Variants in GADL1 observed in about 807,000 individuals in gnomAD.
GADL1 encodes the protein GAD like acidic amino acid decarboxylase 1, also known as acidic amino acid decarboxylase GADL1.
A neutral mutation model predicts 69.5 loss-of-function variants in GADL1; 71 were observed. That is an observed-to-expected ratio of 1.02 (90% confidence interval 0.84 to 1.25). The LOEUF (loss-of-function observed/expected upper bound fraction) is 1.25. Ranked by LOEUF, GADL1 falls within the 50% of genes most tolerant of loss-of-function variation. The probability of loss-of-function intolerance (pLI) is 0.00; values close to 1 mark genes in which losing one functional copy is unlikely to be tolerated. For synonymous variants in GADL1, 254 were observed against 214.4 expected, an observed-to-expected ratio of 1.18 and a Z score of -1.62; for missense variants, 737 against 631.8, an observed-to-expected ratio of 1.17 and a Z score of -1.79.
At chr3:30,743,756 T>G (rs1695660223) in intron 14 of GADL1, among the ~76,000 whole-genome samples, 1 of 152,204 alleles carries the variant, frequency 6.6e-6, no homozygotes, top group East Asian at 1.9e-4. Flanking sequence ...TGTTCTTCAT[T>G]ATTTAAATGT....
intron 1 of GADL1, among the ~76,000 whole-genome samples, chr3:30,879,762 T>C (rs1698619680): frequency 6.6e-6 from 1 of 151,894 alleles, no homozygotes; most frequent in Non-Finnish European, 1.5e-5. Flanking sequence ...GCTAGCCTCA[T>C]GGGTAGCCAT....
chr3:30,857,914 G>T (rs1698255153), intron 2 of GADL1, among the ~76,000 whole-genome samples: 2 of 151,896 alleles, frequency 1.3e-5, no homozygotes, highest in African/African-American at 4.8e-5. Flanking sequence ...CCTCTGCCTA[G>T]AATGTTTTTC....
At chr3:30,790,870 ATAATG>A (rs1443854311) in intron 12 of GADL1, among the ~76,000 whole-genome samples, 2 of 152,190 alleles carry the variant, frequency 1.3e-5, no homozygotes, top group African/African-American at 2.4e-5. Context: ...CTATAGCAAC[ATAATG>A]TAATATGCAG....
At chr3:30,781,706 C>G (rs1036693878) in intron 13 of GADL1, among the ~76,000 whole-genome samples, 1 of 152,148 alleles carries the variant, frequency 6.6e-6, no homozygotes, top group East Asian at 1.9e-4. Flanking sequence ...TTTCTGCTTC[C>G]TAAACTATAA....
At chr3:30,876,427 C>T (rs910563669) in intron 1 of GADL1, among the ~76,000 whole-genome samples, 5 of 152,052 alleles carry the variant, frequency 3.3e-5, no homozygotes, top group South Asian at 4.1e-4. Context: ...GTAAAGACGC[C>T]GATCATGGCT....
Position 30,853,076 on chromosome 3 carries a change from A to C in GADL1, c.428+1623T>G, listed in dbSNP as rs2125533182. ...GGCATGCTCTCCTCGTGGCTGCCAC[A>C]GCTAGCCTTTTGTTTTTTTCCTTCT... On this transcript the variant is annotated intron_variant, in intron 4 of 14. Coordinates refer to ENST00000282538, the MANE Select transcript of GADL1 (RefSeq NM_207359.3). 1.3e-5 allele frequency among the ~76,000 whole-genome samples: 2 copies of C among 152,152 alleles called. 1 individual carries two copies. Among genetic ancestry groups the C allele is most frequent in the Middle Eastern group, 6.8e-3 (2 of 294 alleles).
At chr3:30,854,240 C>A (rs1698192800) in intron 4 of GADL1, among the ~76,000 whole-genome samples, 1 of 152,154 alleles carries the variant, frequency 6.6e-6, no homozygotes, top group African/African-American at 2.4e-5. Flanking sequence ...GAAAAATTGT[C>A]CCATTCATAT....
At chr3:30,844,773 C>T (rs1466704008) in intron 6 of GADL1, among the ~76,000 whole-genome samples, 1 of 152,154 alleles carries the variant, frequency 6.6e-6, no homozygotes, top group Non-Finnish European at 1.5e-5. Flanking sequence ...CCTACTCCAT[C>T]TGCTCGTGCT....
chr3:30,767,467 T>C (rs181094709), intron 14 of GADL1, among the ~76,000 whole-genome samples: 158 of 152,264 alleles, frequency 1.0e-3, no homozygotes, highest in Non-Finnish European at 1.9e-3. Context: ...GTTTTTAAAA[T>C]TGTAACATAA....
intron 14 of GADL1, among the ~76,000 whole-genome samples, chr3:30,776,569 G>A (rs981693591): frequency 1.3e-5 from 2 of 152,224 alleles, no homozygotes; most frequent in Non-Finnish European, 2.9e-5. Context: ...TGCTCCCTGA[G>A]AGGGTTTGAT....
chr3:30,768,018 T>C (rs1332430488), intron 14 of GADL1, among the ~76,000 whole-genome samples: 1 of 125,378 alleles, frequency 8.0e-6, no homozygotes, highest in East Asian at 2.3e-4. Flanking sequence ...TTTTTTACCT[T>C]CTAAATAACT....
intron 6 of GADL1, among the ~76,000 whole-genome samples, chr3:30,846,635 G>A (rs1007665444): frequency 2.6e-5 from 4 of 152,110 alleles, no homozygotes; most frequent in African/African-American, 9.7e-5. Flanking sequence ...GTACATAAAT[G>A]TTACATTTTA....
rs180789998 is a variant in GADL1 at position 30,734,791 on chromosome 3, G to T, written c.1393-6376C>A. ...GAGACATCTTACATACCAGACATTT[G>T]CCCTCCCAACACAGCTTGCTTTTGT... On this transcript the variant is annotated intron_variant, in intron 14 of 14. Transcript: ENST00000282538. Among the ~76,000 whole-genome samples the T allele has an allele frequency of 8.9e-4, 136 of 152,150 alleles. 1 individual carries two copies. Among genetic ancestry groups the T allele is most frequent in the Admixed American group, 2.8e-3 (43 of 15,280 alleles).
chr3:30,751,556 A>G (rs1181857704), intron 14 of GADL1, among the ~76,000 whole-genome samples: 1 of 151,708 alleles, frequency 6.6e-6, no homozygotes, highest in Non-Finnish European at 1.5e-5. Flanking sequence ...GGAAATATCT[A>G]GTAGACTAGA....
chr3:30,832,086 G>A (rs981717928), intron 11 of GADL1, among the ~76,000 whole-genome samples: 2 of 151,730 alleles, frequency 1.3e-5, no homozygotes, highest in African/African-American at 4.8e-5. Flanking sequence ...AGTAACAGAG[G>A]CAGAAACCAG....
intron 1 of GADL1, among the ~76,000 whole-genome samples, chr3:30,867,450 G>GTATATATATACATATATA (rs1698420457): frequency 8.8e-6 from 1 of 113,416 alleles, no homozygotes; most frequent in Non-Finnish European, 1.9e-5. Flanking sequence ...ACACATATAT[G>GTATATATATACATATATA]TATATATATA....
At chr3:30,762,220 C>T (rs1267059038) in intron 14 of GADL1, among the ~76,000 whole-genome samples, 3 of 152,026 alleles carry the variant, frequency 2.0e-5, no homozygotes, top group South Asian at 2.1e-4. Context: ...GGGGTAGTGA[C>T]GATGCTAGGA....
intron 14 of GADL1, among the ~76,000 whole-genome samples, chr3:30,763,062 T>C (rs1370681845): frequency 6.6e-6 from 1 of 152,216 alleles, no homozygotes; most frequent in African/African-American, 2.4e-5. Context: ...TTCCATATAC[T>C]GATATCATTT....
intron 14 of GADL1, among the ~76,000 whole-genome samples, chr3:30,762,903 A>G (rs990771417): frequency 1.3e-5 from 2 of 152,150 alleles, no homozygotes; most frequent in African/African-American, 4.8e-5. Flanking sequence ...TCCATGTTTC[A>G]AATGACTGGA....
Sources: gnomAD v4.1 joint callset for allele counts (sites outside exome capture counted in the v4.1 genomes callset) on GRCh38, gnomAD v4.1.1 for gene constraint, MANE v1.5 for transcripts, NCBI Gene and HGNC (gene_info 2026-07-23, HGNC 2026-07-21) for gene names.